KCNH3: variants seen among roughly 807,000 people sequenced by gnomAD.
KCNH3 encodes the protein potassium voltage-gated channel subfamily H member 3, also known as voltage-gated inwardly rectifying potassium channel KCNH3.
A neutral mutation model predicts 95.6 loss-of-function variants in KCNH3; 36 were observed. The ratio of observed to expected loss-of-function variants is 0.38; its 90% CI spans 0.29 to 0.50. The LOEUF is 0.50. KCNH3 is among the 20% of genes least tolerant of loss of function. The pLI, the probability that KCNH3 is intolerant of heterozygous loss-of-function variation, is 0.95. For missense variants in KCNH3, 1,030 were observed against 1,484.1 expected (o/e 0.69, Z 5.03); for synonymous variants, 620 against 646.3 (o/e 0.96, Z 0.62).
chr12:49,557,094 T>C (rs1938487265), intron 13 of KCNH3, 89 bp from the exon 14 acceptor site: 2 of 1,254,414 alleles, frequency 1.6e-6, no homozygotes, highest in South Asian at 1.2e-5. Context: ...ACCAGGTCAA[T>C]GTGCTCTAAC....
intron 3 of KCNH3, 104 bp downstream of exon 3, chr12:49,541,868 A>G (rs924438461): frequency 1.6e-5 from 20 of 1,233,248 alleles, no homozygotes; most frequent in Non-Finnish European, 1.9e-5. Context: ...ACCTGCATTC[A>G]TTTCACTCCC....
At chr12:49,540,863 C>A in intron 1 of KCNH3, 36 bp from the exon 2 acceptor site, 1 of 1,568,078 alleles carries the variant, frequency 6.4e-7, no homozygotes, top group Non-Finnish European at 8.8e-7. Context: ...CCTGCCCCTT[C>A]ACCCCACGCC....
intron 10 of KCNH3, among the ~76,000 whole-genome samples, chr12:49,552,981 A>C (rs1938315051): frequency 6.6e-6 from 1 of 152,162 alleles, no homozygotes; most frequent in Non-Finnish European, 1.5e-5. Flanking sequence ...AGGAGACGTG[A>C]GCTCAGTGTG....
intron 12 of KCNH3, 63 bp downstream of exon 12, chr12:49,556,014 C>T (rs1438314718): frequency 1.0e-5 from 8 of 790,762 alleles, no homozygotes; most frequent in Middle Eastern, 2.8e-4. Flanking sequence ...CCTGGGCAGG[C>T]GCACCCTGCC....
In KCNH3 at chr12:49,558,052, A is replaced by C; in HGVS notation, c.*99A>C. On this transcript the variant is annotated 3_prime_UTR_variant, in exon 15 of 15. Transcript: ENST00000257981. ...GGGTGGCAGCCTCCCCACGGACTCC[A>C]TGCGGCCCGCTGGCTCAGGGCAGGG... is the stretch of plus-strand genomic sequence containing the variant. The C allele has an allele frequency of 1.5e-6, 2 of 1,335,344 alleles. No homozygotes were observed. Among genetic ancestry groups the C allele is most frequent in the Non-Finnish European group, 2.0e-6 (2 of 1,018,204 alleles). 82.7% of individuals were successfully genotyped at this position (1,335,344 alleles called of 1,614,324 possible).
chr12:49,544,052 C>T lies in KCNH3; in HGVS notation c.961C>T (p.His321Tyr), dbSNP rs1937966108. The change falls in exon 6 of 15, where the codon CAT becomes TAT. Residue 321 changes from histidine (H) to tyrosine (Y), a missense_variant. Coordinates refer to ENST00000257981, the MANE Select transcript of KCNH3 (RefSeq NM_012284.3). ...VIAALPFDLL[H>Y]AFKVNVYFGA... ...CGCAGCGCTGCCCTTTGACCTGCTA[C>T]ATGCCTTCAAGGTCAACGTGGTCAG... The T allele has an allele frequency of 6.2e-7, 1 of 1,612,338 alleles. No homozygotes were observed. Among genetic ancestry groups the T allele is most frequent in the Non-Finnish European group, 8.5e-7 (1 of 1,178,456 alleles).
intron 10 of KCNH3, among the ~76,000 whole-genome samples, chr12:49,554,129 AC>A (rs1938351809): frequency 6.6e-6 from 1 of 152,100 alleles, no homozygotes; most frequent in African/African-American, 2.4e-5. Flanking sequence ...AGAGCTCTTT[AC>A]CCCAAGCCCA....
Position 49,542,685 on chromosome 12 carries a change from T to C in KCNH3, c.446-21T>C, listed in dbSNP as rs1445467441. ...TGTGGGCACACACCCATCATCTTCATGGGCCCCTCTTCTTTCGCAGGTGGT... is the reference window on the plus strand; with the variant it reads ...TGTGGGCACACACCCATCATCTTCACGGGCCCCTCTTCTTTCGCAGGTGGT... On this transcript the variant is annotated intron_variant, in intron 3 of 14. Coordinates refer to ENST00000257981, the MANE Select transcript of KCNH3 (RefSeq NM_012284.3). The C allele has an allele frequency of 2.6e-6, 4 of 1,556,430 alleles. No individual in the cohort carries two copies. The Admixed American group carries it at 5.8e-5, about 22-fold the overall frequency.
At chr12:49,543,804 G>C (rs1221433105) in intron 5 of KCNH3, 111 bp from the exon 6 acceptor site, 2 of 1,387,344 alleles carry the variant, frequency 1.4e-6, no homozygotes, top group African/African-American at 2.9e-5. Flanking sequence ...CTAAGACGAT[G>C]TATGGGAAGG....
chr12:49,540,271 T>C (rs1293999049), intron 1 of KCNH3, among the ~76,000 whole-genome samples: 1 of 152,190 alleles, frequency 6.6e-6, no homozygotes, highest in African/African-American at 2.4e-5. Context: ...GCTTTGCCAG[T>C]GTGCTTGGCT....
intron 1 of KCNH3, among the ~76,000 whole-genome samples, chr12:49,540,606 C>T (rs1937838364): frequency 1.3e-5 from 2 of 152,190 alleles, no homozygotes; most frequent in African/African-American, 4.8e-5. Flanking sequence ...AATCCCAGCC[C>T]TTACCCCACA....
chr12:49,541,221 T>G (rs1937859563), intron 2 of KCNH3, 89 bp downstream of exon 2: 6 of 954,278 alleles, frequency 6.3e-6, no homozygotes, highest in Middle Eastern at 2.9e-4. Context: ...TCCTTTCTGT[T>G]GCCATCTTCT....
At chr12:49,547,076 G>T (rs1329239497) in intron 7 of KCNH3, among the ~76,000 whole-genome samples, 1 of 152,020 alleles carries the variant, frequency 6.6e-6, no homozygotes, top group East Asian at 1.9e-4. Flanking sequence ...TATATTTTTA[G>T]TAGAGATGGG....
Position 49,539,561 on chromosome 12 carries a change from AC to A in KCNH3, c.76+74del. The A allele has an allele frequency of 7.2e-7, 1 of 1,390,816 alleles. No homozygotes were observed. Among genetic ancestry groups the A allele is most frequent in the Non-Finnish European group, 9.9e-7 (1 of 1,012,156 alleles). 86.2% of individuals were successfully genotyped at this position (1,390,816 alleles called of 1,614,324 possible). A position where few individuals can be genotyped will look rare whatever the true frequency, so the allele number is the denominator to read the frequency against. ...TCGCCAGGGCTCCCGCCTTCCCCGAACCCCCAGCAGCCCAGCTTGGCGCCAG... is the reference window on the plus strand; with the variant it reads ...TCGCCAGGGCTCCCGCCTTCCCCGAACCCCAGCAGCCCAGCTTGGCGCCAG... On this transcript the variant is annotated intron_variant, in intron 1 of 14. Coordinates refer to ENST00000257981, the MANE Select transcript of KCNH3 (RefSeq NM_012284.3). This position sits in a 1 kb window ranked among gnomAD's most constrained non-coding sequence, Gnocchi z 6.7.
Position 49,557,984 on chromosome 12 carries a change from T to C in KCNH3, c.*31T>C. The C allele has an allele frequency of 6.9e-7, 1 of 1,448,384 alleles. No homozygotes were observed. 89.7% of individuals were successfully genotyped at this position (1,448,384 alleles called of 1,614,324 possible). A position where few individuals can be genotyped will look rare whatever the true frequency, so the allele number is the denominator to read the frequency against. On this transcript the variant is annotated 3_prime_UTR_variant, in exon 15 of 15. Coordinates refer to ENST00000257981, the MANE Select transcript of KCNH3 (RefSeq NM_012284.3). ...AGCCCTAGAACTCAGCGTTGCCAGG[T>C]GTGCTGCCATCTGCTGTTCGGCCCA...
chr12:49,550,389 C>G (rs1175183129), intron 10 of KCNH3, 60 bp downstream of exon 10: 3 of 1,530,970 alleles, frequency 2.0e-6, no homozygotes, highest in Non-Finnish European at 2.6e-6. Flanking sequence ...TGGCCCTGAT[C>G]TGTGGAAAAC....
At chr12:49,550,471 C>T in intron 10 of KCNH3, 142 bp downstream of exon 10, 2 of 1,103,932 alleles carry the variant, frequency 1.8e-6, no homozygotes, top group Admixed American at 2.6e-5. Flanking sequence ...GTTATGGAGT[C>T]CTGGTCAAAG....
At chr12:49,552,689 C>T (rs1179673740) in intron 10 of KCNH3, among the ~76,000 whole-genome samples, 1 of 152,202 alleles carries the variant, frequency 6.6e-6, no homozygotes, top group Admixed American at 6.5e-5. Context: ...TGATGAGCTG[C>T]ACCTGGTGGG....
chr12:49,556,112 C>T (rs994773974), intron 12 of KCNH3, 161 bp downstream of exon 12: 14 of 594,532 alleles, frequency 2.4e-5, no homozygotes, highest in African/African-American at 2.2e-4. Flanking sequence ...CTCCTCCTTT[C>T]TCCTGCTGTC....
Sources: allele counts gnomAD v4.1 joint callset (sites outside exome capture counted in the v4.1 genomes callset), GRCh38; gene constraint gnomAD v4.1.1; non-coding constraint Gnocchi (gnomAD v3.1); transcripts MANE v1.5; gene names NCBI Gene and HGNC (gene_info 2026-07-23, HGNC 2026-07-21).